DRC8: variants seen among roughly 807,000 people sequenced by gnomAD.
DRC8 encodes the protein dynein regulatory complex protein 8.
chr1:244,993,363 C>T, the DRC8 span, among the ~76,000 whole-genome samples: 26 of 152,142 alleles, frequency 1.7e-4, no homozygotes, highest in African/African-American at 6.0e-4. Context: ...GCCTTCCGTC[C>T]CATTACAGCC....
the DRC8 span, among the ~76,000 whole-genome samples, chr1:245,028,768 T>A: frequency 3.3e-5 from 5 of 152,302 alleles, no homozygotes; most frequent in Middle Eastern, 3.4e-3. Flanking sequence ...CAAAGAAAAG[T>A]CCCTGTAACT....
the DRC8 span, among the ~76,000 whole-genome samples, chr1:245,119,353 T>TC: frequency 6.6e-6 from 1 of 151,552 alleles, no homozygotes; most frequent in Non-Finnish European, 1.5e-5. Flanking sequence ...AGTTTTTTTT[T>TC]TTTTCATACT....
the DRC8 span, among the ~76,000 whole-genome samples, chr1:245,028,211 T>C: frequency 6.6e-6 from 1 of 152,198 alleles, no homozygotes; most frequent in East Asian, 1.9e-4. Context: ...TACATGTTTT[T>C]TTTGTGCTTG....
At chr1:245,038,451 C>A in the DRC8 span, among the ~76,000 whole-genome samples, 1 of 148,010 alleles carries the variant, frequency 6.8e-6, no homozygotes, top group Admixed American at 6.7e-5. Flanking sequence ...GCCTGGGTGA[C>A]AGAGTGAGAC....
the DRC8 span, among the ~76,000 whole-genome samples, chr1:244,981,906 C>T: frequency 2.6e-5 from 4 of 152,180 alleles, no homozygotes; most frequent in South Asian, 2.1e-4. Flanking sequence ...CTTATCTCAA[C>T]GGATGGAAAA....
the DRC8 span, chr1:245,086,865 G>A: frequency 1.9e-6 from 1 of 527,062 alleles, no homozygotes; most frequent in South Asian, 1.4e-5. Context: ...TAACCACTCA[G>A]TTATCTTCCT....
At chr1:244,974,076 C>T in the DRC8 span, among the ~76,000 whole-genome samples, 240 of 152,158 alleles carry the variant, frequency 1.6e-3, no homozygotes, top group African/African-American at 5.2e-3. Context: ...ATGTTTGAAA[C>T]GGGATGAGAA....
At chr1:245,059,071 T>A in the DRC8 span, among the ~76,000 whole-genome samples, 1 of 152,240 alleles carries the variant, frequency 6.6e-6, no homozygotes, top group Non-Finnish European at 1.5e-5. Context: ...TTTACAGGTG[T>A]GGAAACTGAG....
the DRC8 span, among the ~76,000 whole-genome samples, chr1:245,028,098 C>T: frequency 6.6e-6 from 1 of 152,154 alleles, no homozygotes; most frequent in Non-Finnish European, 1.5e-5. Context: ...CTATGTTGCC[C>T]AGGCTGGGCT....
the DRC8 span, chr1:245,123,994 G>A: frequency 3.9e-5 from 6 of 152,436 alleles, no homozygotes; most frequent in Admixed American, 6.6e-5. The surrounding 1 kb of genome is among the most constrained non-coding windows in gnomAD (Gnocchi z 5.0). Flanking sequence ...CTGCAGCCTC[G>A]AGTTCCTGGG....
the DRC8 span, among the ~76,000 whole-genome samples, chr1:245,004,263 T>C: frequency 1.3e-5 from 2 of 152,070 alleles, no homozygotes; most frequent in African/African-American, 4.8e-5. Flanking sequence ...GTTCTCACTC[T>C]TAAATATTTT....
the DRC8 span, chr1:245,121,925 G>A: frequency 2.4e-6 from 1 of 410,984 alleles, no homozygotes; most frequent in South Asian, 1.8e-5. Context: ...TTTAGATGGA[G>A]TTTCGCTCCG....
the DRC8 span, among the ~76,000 whole-genome samples, chr1:245,018,929 T>C: frequency 6.6e-6 from 1 of 152,208 alleles, no homozygotes; most frequent in South Asian, 2.1e-4. Context: ...CTTGCTACAC[T>C]GTGGGCATGC....
chr1:245,035,686 G>A, the DRC8 span, among the ~76,000 whole-genome samples: 2 of 129,728 alleles, frequency 1.5e-5, no homozygotes, highest in Non-Finnish European at 3.5e-5. Context: ...GGCCAACGTG[G>A]TGAAACCCCA....
At chr1:245,044,492 T>C in the DRC8 span, among the ~76,000 whole-genome samples, 2 of 152,176 alleles carry the variant, frequency 1.3e-5, no homozygotes, top group Non-Finnish European at 1.5e-5. Context: ...TTTTTTATTT[T>C]ATTTTATCAT....
At chr1:245,114,540 G>A in the DRC8 span, among the ~76,000 whole-genome samples, 1 of 151,978 alleles carries the variant, frequency 6.6e-6, no homozygotes, top group African/African-American at 2.4e-5. Context: ...ACACCACCAT[G>A]CAAAGCCAAG....
the DRC8 span, among the ~76,000 whole-genome samples, chr1:245,003,211 C>G: frequency 6.6e-6 from 1 of 152,156 alleles, no homozygotes; most frequent in Non-Finnish European, 1.5e-5. Context: ...TGGGCTGTTT[C>G]CACCTTCTGT....
chr1:245,020,021 T>C, the DRC8 span, among the ~76,000 whole-genome samples: 7 of 151,830 alleles, frequency 4.6e-5, no homozygotes, highest in Non-Finnish European at 1.0e-4. Context: ...AATGGCTCAG[T>C]GGGGGCAGGA....
the DRC8 span, among the ~76,000 whole-genome samples, chr1:245,099,289 G>T: frequency 1.3e-5 from 2 of 152,190 alleles, no homozygotes; most frequent in African/African-American, 4.8e-5. Context: ...TCTCTCAAGG[G>T]GGGGCTTTTT....
Sources: gnomAD v4.1 joint callset for allele counts (sites outside exome capture counted in the v4.1 genomes callset) on GRCh38, gnomAD v4.1.1 for gene constraint, Gnocchi (gnomAD v3.1) non-coding constraint, MANE v1.5 for transcripts, NCBI Gene and HGNC (gene_info 2026-07-23, HGNC 2026-07-21) for gene names.